SET: variants seen among roughly 807,000 people sequenced by gnomAD.
SET encodes the protein protein SET.
SET carries 4 observed loss-of-function variants against 39.0 expected under a neutral mutation model. That is an observed-to-expected ratio of 0.10 (90% CI 0.05 to 0.23). The LOEUF is 0.23. Among genes scored for constraint, SET ranks in the 10% least tolerant of loss-of-function variants. The pLI is 1.00. For missense variants in SET, 137 were observed against 329.7 expected (o/e 0.42, Z 4.53); for synonymous variants, 114 against 115.9 (o/e 0.98, Z 0.11).
intron 3 of SET, 43 bp downstream of exon 3, chr9:128,692,043 G>A: frequency 6.2e-7 from 1 of 1,600,160 alleles, no homozygotes; most frequent in Non-Finnish European, 8.5e-7. Flanking sequence ...AACAGTGTTT[G>A]TTAGAATGGA....
At position 128,692,779 on chromosome 9, in the gene SET, A is replaced by G. The variant is rs751944778; in HGVS notation, c.378+14A>G. 1 of 1,572,788 alleles carries G rather than the reference A, an allele frequency of 6.4e-7. No homozygotes were observed. The highest frequency in any genetic ancestry group is 8.8e-7 in the Non-Finnish European group (1 of 1,142,444). On this transcript the variant is annotated intron_variant, in intron 4 of 7. Coordinates refer to ENST00000322030, the MANE Select transcript of SET (RefSeq NM_003011.4). ...AGAATAGATTTTGTAAGTATCTCTAACTTAATCTTGTTTGCCACTGTGGAA... is the reference window on the plus strand; with the variant it reads ...AGAATAGATTTTGTAAGTATCTCTAGCTTAATCTTGTTTGCCACTGTGGAA...
At chr9:128,694,068 C>G in intron 7 of SET, 26 bp downstream of exon 7, 1 of 1,481,050 alleles carries the variant, frequency 6.8e-7, no homozygotes, top group Non-Finnish European at 9.1e-7. Flanking sequence ...GCTAAACCCA[C>G]AAAGATAACT....
In SET at chr9:128,683,921, T is replaced by C. The variant is rs1180724092; in HGVS notation, c.26T>C (p.Leu9Pro). 1.9e-6 allele frequency: 3 copies of C among 1,553,272 alleles called. No individual in the cohort carries two copies. The African/African-American group carries it at 4.1e-5, about 21-fold the overall frequency. The change falls in exon 1 of 8, where the codon CTC (leucine) becomes CCC (proline). Residue 9 changes from leucine (L) to proline (P), a missense_variant. Physicochemically the swap from Leu to Pro is moderately conservative, Grantham distance 98. Transcript: ENST00000372692. ...ATGGCCCCTAAACGCCAGTCTCCACTCCCGCCTCAAAAGAAGAAACCAAGA... is the reference window on the plus strand; with the variant it reads ...ATGGCCCCTAAACGCCAGTCTCCACCCCCGCCTCAAAAGAAGAAACCAAGA...
At chr9:128,692,566 GCTCA>G (rs1217113549) in intron 3 of SET, 92 bp from the exon 4 acceptor site, 36 of 771,356 alleles carry the variant, frequency 4.7e-5, no homozygotes, top group African/African-American at 8.7e-5. Context: ...AACCAAAGAT[GCTCA>G]CTAAGTTCGG....
upstream of SET, among the ~76,000 whole-genome samples, chr9:128,685,876 A>G (rs569690683): frequency 4.1e-4 from 63 of 152,204 alleles, no homozygotes; most frequent in Non-Finnish European, 7.5e-4. Context: ...TACCAAAGAC[A>G]GTTAGCCAGG....
At chr9:128,692,531 C>G (rs1861586371) in intron 3 of SET, 131 bp from the exon 4 acceptor site, 3 of 629,650 alleles carry the variant, frequency 4.8e-6, no homozygotes, top group Non-Finnish European at 8.6e-6. Flanking sequence ...TGAGCAATTG[C>G]CTTTAGTTAA....
upstream of SET, among the ~76,000 whole-genome samples, chr9:128,688,427 T>C (rs368200065): frequency 6.6e-6 from 1 of 152,178 alleles, no homozygotes; most frequent in East Asian, 1.9e-4. Context: ...CGCCTATCGC[T>C]TGGGGCTGTT....
intron 3 of SET, 92 bp downstream of exon 3, chr9:128,692,092 C>A: frequency 1.4e-6 from 2 of 1,461,136 alleles, no homozygotes; most frequent in South Asian, 1.3e-5. Context: ...TGCTGGGTTG[C>A]GTGCAACAAA....
chr9:128,689,593 C>G lies in SET; in HGVS notation c.11C>G (p.Pro4Arg). ...CCGCGGAGCAGCACCATGTCGGCGC[C>G]GGCGGCCAAAGTCAGTAAAAAGGAG... MSAPAAKVSKKELN... is the reference protein window; with the variant it reads MSARAAKVSKKELN... Residue 4 changes from proline (P) to arginine (R), a missense_variant, in exon 1 of 8, where the codon CCG (proline) becomes CGG (arginine). Pro to Arg is a moderately radical substitution (Grantham distance 103). This residue lies in a region of SET where 34 missense variants were observed against 29.5 expected (regional missense o/e 1.15). Transcript: ENST00000322030. 1 of 1,381,048 alleles carries G rather than the reference C, an allele frequency of 7.2e-7. No individual in the cohort carries two copies. Among genetic ancestry groups the G allele is most frequent in the Non-Finnish European group, 9.5e-7 (1 of 1,049,140 alleles). The allele number at this position is 1,381,048 out of a possible 1,614,324, so 85.5% of individuals were successfully genotyped here.
In SET at chr9:128,695,267, G is replaced by A. The variant is rs942917197; in HGVS notation, c.*603G>A. The A allele has an allele frequency of 2.7e-5, 6 of 222,482 alleles. No individual in the cohort carries two copies. Among genetic ancestry groups the A allele is most frequent in the African/African-American group, 4.5e-5 (2 of 44,918 alleles). 13.8% of individuals were successfully genotyped at this position (222,482 alleles called of 1,614,324 possible). On this transcript the variant is annotated 3_prime_UTR_variant, in exon 8 of 8. Transcript: ENST00000322030. ...GGCTTCTCCTTTGGCATGTTTAATT[G>A]TGATATTTGACAGACATCCTTGCAG... is the stretch of plus-strand genomic sequence containing the variant.
upstream of SET, among the ~76,000 whole-genome samples, chr9:128,689,040 C>T (rs1471920808): frequency 6.6e-6 from 1 of 150,594 alleles, no homozygotes; most frequent in Non-Finnish European, 1.5e-5. Context: ...GGGGACGCGG[C>T]GCGGGGGGCG....
intron 1 of SET, 71 bp from the exon 2 acceptor site, chr9:128,691,099 A>G (rs1861518360): frequency 8.4e-7 from 1 of 1,188,272 alleles, no homozygotes. Flanking sequence ...CTTTTGGAAT[A>G]TTATAGTATT....
chr9:128,683,625 A>T, upstream of SET: 1 of 389,406 alleles, frequency 2.6e-6, no homozygotes, highest in Admixed American at 4.3e-5. Flanking sequence ...CTCCTCAAGG[A>T]AGAACTTGCC....
At chr9:128,688,402 CTAT>C (rs930940514), upstream of SET, among the ~76,000 whole-genome samples, 3 of 152,184 alleles carry the variant, frequency 2.0e-5, no homozygotes, top group Non-Finnish European at 4.4e-5. Flanking sequence ...CCTTTCATCT[CTAT>C]GAACAGAACA....
At chr9:128,691,543 A>T (rs916161808) in intron 2 of SET, among the ~76,000 whole-genome samples, 2 of 152,214 alleles carry the variant, frequency 1.3e-5, no homozygotes, top group African/African-American at 2.4e-5. Context: ...GTTATGGATT[A>T]GCCACTTTAT....
chr9:128,692,835 T>A (rs1861596704), intron 4 of SET, 33 bp from the exon 5 acceptor site: 2 of 1,515,082 alleles, frequency 1.3e-6, no homozygotes, highest in African/African-American at 2.8e-5. Context: ...GAAGACCTGT[T>A]CATATTTCTA....
chr9:128,689,804 C>A (rs1468312040), intron 1 of SET, 149 bp downstream of exon 1: 1 of 150,490 alleles, frequency 6.6e-6, no homozygotes, highest in African/African-American at 2.5e-5. Context: ...GGACTCGGCG[C>A]CCTTTTTTGT....
rs1477448265 is a variant in SET at position 128,693,731 on chromosome 9, C to T, written c.586C>T (p.His196Tyr). The T allele has an allele frequency of 6.2e-7, 1 of 1,613,608 alleles. No individual in the cohort carries two copies. Among genetic ancestry groups the T allele is most frequent in the African/African-American group, 1.3e-5 (1 of 74,854 alleles). ...GAGCTTCTTTACCTGGTTTACTGAC[C>T]ATTCTGATGCAGGTGCTGATGAGTT... ...PESFFTWFTD[H>Y]SDAGADELGE... Residue 196 changes from histidine (H) to tyrosine (Y), a missense_variant, in exon 6 of 8, where the codon CAT becomes TAT. By Grantham distance (83) the His-to-Tyr change is moderately conservative. Transcript: ENST00000322030.
chr9:128,689,967 T>C (rs1589455497), intron 1 of SET: 1 of 635,492 alleles, frequency 1.6e-6, no homozygotes. Context: ...CCGAGAAGCC[T>C]CTCTTTATTG....
Sources: allele counts gnomAD v4.1 joint callset (sites outside exome capture counted in the v4.1 genomes callset), GRCh38; gene constraint gnomAD v4.1.1; regional missense constraint gnomAD v4.1.1; transcripts MANE v1.5; gene names NCBI Gene and HGNC (gene_info 2026-07-23, HGNC 2026-07-21).